Variants in EGLN1 observed in about 807,000 individuals in gnomAD.
EGLN1 encodes egl-9 family hypoxia inducible factor 1, also known as egl nine homolog 1.
A neutral mutation model predicts 38.3 loss-of-function variants in EGLN1; 17 were observed. That is an observed-to-expected ratio of 0.44 (90% confidence interval 0.30 to 0.67). The LOEUF (loss-of-function observed/expected upper bound fraction) is 0.67, where lower values mean the gene tolerates loss of function less well. Ranked by LOEUF, EGLN1 falls within the 30% of genes least tolerant of loss-of-function variation. The probability of loss-of-function intolerance (pLI) is 0.08; values close to 1 mark genes in which losing one functional copy is unlikely to be tolerated. For missense variants in EGLN1, 477 were observed against 603.3 expected (o/e 0.79, Z 2.19); for synonymous variants, 283 against 257.5 (o/e 1.10, Z -0.95).
intron 1 of EGLN1, among the ~76,000 whole-genome samples, chr1:231,415,327 A>T (rs1050774781): frequency 1.3e-5 from 2 of 151,832 alleles, no homozygotes; most frequent in Non-Finnish European, 2.9e-5. Context: ...AGAAATATGT[A>T]TAAAGTTACA....
chr1:231,418,919 A>G (rs1019659014), intron 1 of EGLN1, among the ~76,000 whole-genome samples: 61 of 152,100 alleles, frequency 4.0e-4, no homozygotes, highest in Non-Finnish European at 6.8e-4. Context: ...TATGATGCCT[A>G]ACACACTGTG....
intron 1 of EGLN1, among the ~76,000 whole-genome samples, chr1:231,415,845 A>G (rs1002912926): frequency 4.9e-5 from 7 of 141,570 alleles, no homozygotes; most frequent in Admixed American, 1.5e-4. Flanking sequence ...CAAATCCATT[A>G]TCTTTCTTTT....
In EGLN1 at chr1:231,412,011, C is replaced by CAAAAAAA. The variant is rs747472895; in HGVS notation, c.891+8980_891+8986dup. Among the ~76,000 whole-genome samples the CAAAAAAA allele has an allele frequency of 7.4e-4, 25 of 33,666 alleles. 7 individuals are homozygous for CAAAAAAA. Among genetic ancestry groups the CAAAAAAA allele is most frequent in the African/African-American group, 1.2e-3 (14 of 11,288 alleles). The allele number at this position is 33,666 out of a possible 152,430, so 22.1% of individuals were successfully genotyped here. On this transcript the variant is annotated intron_variant, in intron 1 of 4. Coordinates refer to ENST00000366641, the MANE Select transcript of EGLN1 (RefSeq NM_022051.3). ...TGGGTGACAGAGTGAGACTCCATCT[C>CAAAAAAA]AAAAAAAAAAAAAAAAAAAAAAAAA...
intron 1 of EGLN1, among the ~76,000 whole-genome samples, chr1:231,400,686 T>C (rs923126012): frequency 5.9e-5 from 9 of 152,184 alleles, no homozygotes; most frequent in Admixed American, 2.6e-4. Flanking sequence ...AACATTCCAA[T>C]GGTGCATTTC....
chr1:231,395,161 C>T (rs973981104), intron 1 of EGLN1, among the ~76,000 whole-genome samples: 2 of 152,178 alleles, frequency 1.3e-5, no homozygotes, highest in Non-Finnish European at 2.9e-5. Flanking sequence ...TTATCAGCTG[C>T]TCCCTCCCCC....
At chr1:231,414,033 G>T (rs565713470) in intron 1 of EGLN1, among the ~76,000 whole-genome samples, 2 of 152,274 alleles carry the variant, frequency 1.3e-5, no homozygotes, top group Admixed American at 6.5e-5. Flanking sequence ...ATAAACTGTT[G>T]TAAGAGAAGA....
At position 231,380,479 on chromosome 1, in the gene EGLN1, A is replaced by T. The variant is rs536767183; in HGVS notation, c.892-6380T>A. Among the ~76,000 whole-genome samples, 11 of 135,502 alleles carry T rather than the reference A, an allele frequency of 8.1e-5. No homozygotes were observed. The South Asian group carries it at 1.0e-3, about 12-fold the overall frequency. 88.9% of individuals were successfully genotyped at this position (135,502 alleles called of 152,430 possible). ...TAAATGATAGGTATATATATATTTT[A>T]AAAAGACATATAAGGGCATATAGTT... On this transcript the variant is annotated intron_variant, in intron 1 of 4. Transcript: ENST00000366641.
chr1:231,367,839 T>A (rs1464479819), intron 3 of EGLN1, among the ~76,000 whole-genome samples: 1 of 152,214 alleles, frequency 6.6e-6, no homozygotes, highest in East Asian at 1.9e-4. Flanking sequence ...TTTGTGACTT[T>A]CTTAATACTT....
chr1:231,405,168 TTATTTA>T (rs1688754840), intron 1 of EGLN1, among the ~76,000 whole-genome samples: 1 of 152,096 alleles, frequency 6.6e-6, no homozygotes, highest in Non-Finnish European at 1.5e-5. Flanking sequence ...ACTTTTTATT[TTATTTA>T]TATTTATTAT....
chr1:231,405,274 G>A (rs890206116), intron 1 of EGLN1, among the ~76,000 whole-genome samples: 10 of 152,092 alleles, frequency 6.6e-5, no homozygotes, highest in South Asian at 2.1e-4. Context: ...CCGGGTTCAC[G>A]CCATTCTCCT....
intron 1 of EGLN1, among the ~76,000 whole-genome samples, chr1:231,397,914 G>T (rs1220678611): frequency 2.0e-5 from 3 of 152,060 alleles, no homozygotes; most frequent in African/African-American, 4.8e-5. Context: ...ACTACACAGA[G>T]GTCAAAGCAG....
intron 1 of EGLN1, among the ~76,000 whole-genome samples, chr1:231,416,156 CTTTCT>C (rs988889788): frequency 1.3e-5 from 2 of 151,732 alleles, no homozygotes; most frequent in African/African-American, 4.8e-5. Flanking sequence ...TGGCCCCTTT[CTTTCT>C]TAATAATTTT....
intron 1 of EGLN1, among the ~76,000 whole-genome samples, chr1:231,406,743 TTGTG>T (rs1688807078): frequency 6.6e-6 from 1 of 151,930 alleles, no homozygotes; most frequent in African/African-American, 2.4e-5. Flanking sequence ...AAGCAGAACA[TTGTG>T]TGTACTATGT....
chr1:231,382,497 T>C (rs779774896), intron 1 of EGLN1, among the ~76,000 whole-genome samples: 13 of 152,196 alleles, frequency 8.5e-5, no homozygotes, highest in Non-Finnish European at 1.3e-4. Context: ...ATAGTGGATA[T>C]TAGAAATTAT....
In EGLN1 at chr1:231,418,955, G is replaced by A. The variant is rs143580244; in HGVS notation, c.891+2043C>T. Among the ~76,000 whole-genome samples, 8 of 152,038 alleles carry A rather than the reference G, an allele frequency of 5.3e-5. No homozygotes were observed. In the East Asian group the frequency reaches 1.5e-3, roughly 29 times the overall value. On this transcript the variant is annotated intron_variant, in intron 1 of 4. Transcript: ENST00000366641. ...GTTGGTTGCTCAATATACGGTGGGT[G>A]GTTATTTTGATTGCCTTCTCATTTC... is the stretch of plus-strand genomic sequence containing the variant.
intron 4 of EGLN1, 23 bp from the exon 5 acceptor site, chr1:231,366,498 A>G (rs111836138): frequency 1.9e-3 from 2,424 of 1,306,266 alleles, no homozygotes; most frequent in Middle Eastern, 3.0e-3. Flanking sequence ...AAAAAAAAAA[A>G]TTTTCATTCA....
chr1:231,391,313 C>G (rs181805473), intron 1 of EGLN1, among the ~76,000 whole-genome samples: 5 of 152,132 alleles, frequency 3.3e-5, no homozygotes, highest in Middle Eastern at 6.8e-3. Context: ...TAAGACTATA[C>G]ATCCATAAGG....
At chr1:231,373,939 C>A in intron 2 of EGLN1, 41 bp downstream of exon 2, 1 of 1,609,814 alleles carries the variant, frequency 6.2e-7, no homozygotes, top group Middle Eastern at 1.7e-4. Flanking sequence ...GAGAAAAAGA[C>A]ACCTGTAAGA....
chr1:231,385,759 C>T (rs1688190131), intron 1 of EGLN1, among the ~76,000 whole-genome samples: 1 of 152,174 alleles, frequency 6.6e-6, no homozygotes, highest in Admixed American at 6.5e-5. Flanking sequence ...TGTAGTACAG[C>T]TATAAAGCAG....
Sources: allele counts gnomAD v4.1 joint callset (sites outside exome capture counted in the v4.1 genomes callset), GRCh38; gene constraint gnomAD v4.1.1; transcripts MANE v1.5; gene names NCBI Gene and HGNC (gene_info 2026-07-23, HGNC 2026-07-21).